DIP2B: variants seen among roughly 807,000 people sequenced by gnomAD.
DIP2B encodes DIP2 acetate--CoA ligase B (putative).
In DIP2B, 76 loss-of-function variants were observed where a neutral mutation model predicts 198.0. The observed-to-expected ratio is 0.38, with a 90% confidence interval of 0.32 to 0.46. The LOEUF (loss-of-function observed/expected upper bound fraction) is 0.46. Ranked by LOEUF, DIP2B falls within the 20% of genes least tolerant of loss-of-function variation. DIP2B has a pLI of 0.99. For missense variants in DIP2B, 1,559 were observed against 1,978.4 expected, an observed-to-expected ratio of 0.79 and a Z score of 4.02; for synonymous variants, 701 against 739.1, an observed-to-expected ratio of 0.95 and a Z score of 0.84.
chr12:50,654,892 G>A (rs1048925739), intron 3 of DIP2B: 2 of 295,800 alleles, frequency 6.8e-6, no homozygotes, highest in Admixed American at 3.7e-5. Flanking sequence ...AGGTTAGGCG[G>A]TGGGGAAGTA....
intron 14 of DIP2B, among the ~76,000 whole-genome samples, chr12:50,693,441 A>T (rs984953016): frequency 3.3e-5 from 5 of 152,206 alleles, no homozygotes; most frequent in African/African-American, 1.2e-4. Flanking sequence ...AAGTGGCAAA[A>T]CTACTATATG....
At chr12:50,633,113 T>C (rs1027783557) in intron 2 of DIP2B, among the ~76,000 whole-genome samples, 4 of 152,162 alleles carry the variant, frequency 2.6e-5, no homozygotes, top group Non-Finnish European at 5.9e-5. Context: ...GGAATTGATC[T>C]GTAGTTATCT....
chr12:50,654,417 G>A (rs1938519208), intron 3 of DIP2B, among the ~76,000 whole-genome samples: 1 of 149,714 alleles, frequency 6.7e-6, no homozygotes, highest in Admixed American at 6.7e-5. Flanking sequence ...TGCAAGTAGT[G>A]TGATCATGGC....
chr12:50,595,911 C>A (rs1240560675), intron 1 of DIP2B, among the ~76,000 whole-genome samples: 1 of 152,204 alleles, frequency 6.6e-6, no homozygotes, highest in Non-Finnish European at 1.5e-5. Context: ...CTTGCCTTAT[C>A]ACCCTCAAGG....
chr12:50,740,096 T>C (rs1234121550), intron 36 of DIP2B, among the ~76,000 whole-genome samples: 2 of 152,204 alleles, frequency 1.3e-5, no homozygotes, highest in Non-Finnish European at 1.5e-5. Context: ...CTCTGCCCAG[T>C]TGATTGTCAC....
At chr12:50,737,195 G>C in intron 35 of DIP2B, 85 bp downstream of exon 35, 1 of 1,296,502 alleles carries the variant, frequency 7.7e-7, no homozygotes, top group Non-Finnish European at 1.1e-6. Flanking sequence ...TAAAACTGTG[G>C]ATTTAGCTTT....
At chr12:50,606,213 T>G (rs982673268) in intron 1 of DIP2B, among the ~76,000 whole-genome samples, 3 of 151,874 alleles carry the variant, frequency 2.0e-5, no homozygotes, top group Non-Finnish European at 1.5e-5. Flanking sequence ...CCACAAGTTC[T>G]GGGCACAAGT....
At chr12:50,693,606 A>G (rs1939256582) in intron 14 of DIP2B, among the ~76,000 whole-genome samples, 1 of 152,202 alleles carries the variant, frequency 6.6e-6, no homozygotes, top group African/African-American at 2.4e-5. Context: ...ATCCCTTTTC[A>G]CCCAGAACCC....
chr12:50,637,374 C>G (rs1024787209), intron 2 of DIP2B, among the ~76,000 whole-genome samples: 1 of 152,202 alleles, frequency 6.6e-6, no homozygotes. Context: ...TTTGCTGTAT[C>G]TTTAGCCTCA....
chr12:50,708,372 C>G, intron 21 of DIP2B, 76 bp from the exon 22 acceptor site: 1 of 1,366,052 alleles, frequency 7.3e-7, no homozygotes, highest in Admixed American at 2.0e-5. Context: ...TGTCTCCTCT[C>G]TGTAATTCCA....
Position 50,727,741 on chromosome 12 carries a change from C to T in DIP2B, c.3439C>T (p.Pro1147Ser). ...GAAAAGGTTACCTCAGCTGTATAAA[C>T]CGCCCACTCCTGAGATGTTGGCATA... The part of the protein sequence containing the change: ...PRKRLPQLYK[P>S]PTPEMLAYLD... The change falls in exon 29 of 38, where the codon CCG (proline) becomes TCG (serine). Residue 1147 changes from proline (P) to serine (S), a missense_variant. Physicochemically the swap from Pro to Ser is moderately conservative, Grantham distance 74 (BLOSUM62 -1). Coordinates refer to ENST00000301180, the MANE Select transcript of DIP2B (RefSeq NM_173602.3). 1 of 1,614,186 alleles carries T rather than the reference C, an allele frequency of 6.2e-7. No individual in the cohort carries two copies. The highest frequency in any genetic ancestry group is 8.5e-7 in the Non-Finnish European group (1 of 1,180,020).
intron 1 of DIP2B, among the ~76,000 whole-genome samples, chr12:50,563,531 G>A (rs1333690012): frequency 7.9e-6 from 1 of 125,814 alleles, no homozygotes; most frequent in East Asian, 2.6e-4. Flanking sequence ...TTGCTCTATT[G>A]CTCAGGCTGA....
intron 12 of DIP2B, among the ~76,000 whole-genome samples, chr12:50,689,711 C>G (rs1939189772): frequency 6.6e-6 from 1 of 152,070 alleles, no homozygotes; most frequent in African/African-American, 2.4e-5. Context: ...CTGGATCTCT[C>G]TGGAGGAGAG....
intron 1 of DIP2B, among the ~76,000 whole-genome samples, chr12:50,541,917 G>A (rs1958329454): frequency 6.6e-6 from 1 of 152,002 alleles, no homozygotes; most frequent in Non-Finnish European, 1.5e-5. Flanking sequence ...CACGAGAATT[G>A]CTTGAACCCG....
At chr12:50,550,320 A>ATT (rs924557080) in intron 1 of DIP2B, among the ~76,000 whole-genome samples, 1 of 150,098 alleles carries the variant, frequency 6.7e-6, no homozygotes, top group African/African-American at 2.4e-5. Flanking sequence ...TTCTTCATTG[A>ATT]TTTTTTTTTT....
intron 4 of DIP2B, among the ~76,000 whole-genome samples, chr12:50,670,326 A>G (rs907589512): frequency 6.6e-6 from 1 of 151,952 alleles, no homozygotes; most frequent in Non-Finnish European, 1.5e-5. Context: ...TGCCTTTCCT[A>G]CTAAGGCCAT....
intron 1 of DIP2B, among the ~76,000 whole-genome samples, chr12:50,519,990 T>A (rs1958101440): frequency 6.6e-6 from 1 of 151,452 alleles, no homozygotes; most frequent in Non-Finnish European, 1.5e-5. Context: ...TCAGTTCAGA[T>A]ATGAATAAAT....
intron 9 of DIP2B, among the ~76,000 whole-genome samples, chr12:50,681,540 C>CA (rs1177844319): frequency 6.6e-6 from 1 of 152,120 alleles, no homozygotes; most frequent in East Asian, 1.9e-4. Flanking sequence ...AACCGATTGA[C>CA]AGAGTTTTAT....
chr12:50,586,353 A>G (rs1397207912), intron 1 of DIP2B, among the ~76,000 whole-genome samples: 1 of 152,188 alleles, frequency 6.6e-6, no homozygotes, highest in Non-Finnish European at 1.5e-5. Context: ...CAGGCAGATG[A>G]CATGGGGCCT....
Sources: allele counts gnomAD v4.1 joint callset (sites outside exome capture counted in the v4.1 genomes callset), GRCh38; gene constraint gnomAD v4.1.1; transcripts MANE v1.5; gene names NCBI Gene and HGNC (gene_info 2026-07-23, HGNC 2026-07-21).